The following ADCY4 variants were observed in gnomAD, a reference collection of about 807,000 sequenced individuals.
ADCY4 encodes the protein adenylate cyclase 4.
A neutral mutation model predicts 125.5 loss-of-function variants in ADCY4; 111 were observed. That is an observed-to-expected ratio of 0.88 (90% CI 0.76 to 1.04). The LOEUF is 1.04. Ranked by LOEUF, ADCY4 falls within the 50% of genes least tolerant of loss-of-function variation. ADCY4 has a pLI of 0.00. For synonymous variants in ADCY4, 576 were observed against 586.9 expected, an observed-to-expected ratio of 0.98 and a Z score of 0.27; for missense variants, 1,256 against 1,382.9, an observed-to-expected ratio of 0.91 and a Z score of 1.46.
At chr14:24,318,836 CAAGGAACTGG>C in intron 23 of ADCY4, 58 bp from the exon 24 acceptor site, 3 of 1,608,940 alleles carry the variant, frequency 1.9e-6, no homozygotes, top group Non-Finnish European at 2.5e-6. Flanking sequence ...GAGGAAGCCA[CAAGGAACTGG>C]AAGGAAGGGA....
At chr14:24,325,259 T>C in intron 14 of ADCY4, 118 bp downstream of exon 14, 1 of 749,428 alleles carries the variant, frequency 1.3e-6, no homozygotes, top group Admixed American at 2.3e-5. Flanking sequence ...GTTTCCTCTG[T>C]GGGTAAGTGC....
At position 24,323,061 on chromosome 14, in the gene ADCY4, A is replaced by T; in HGVS notation, c.2185T>A (p.Phe729Ile). ...TGCAGAAAGAGGGAGCAGGAGAGGAAGCCCAGCGTGCAGCAGTGCATGGAG... is the reference window on the plus strand; with the variant it reads ...TGCAGAAAGAGGGAGCAGGAGAGGATGCCCAGCGTGCAGCAGTGCATGGAG... ...PYSMHCCTLGFLSCSLFLHMS... is the reference protein window; with the variant it reads ...PYSMHCCTLGILSCSLFLHMS... Residue 729 changes from phenylalanine to isoleucine, a missense_variant, in exon 18 of 25, where the codon TTC (phenylalanine) becomes ATC (isoleucine). Phe to Ile is a conservative substitution (Grantham distance 21, BLOSUM62 0). Transcript: ENST00000418030. 1.9e-6 allele frequency: 3 copies of T among 1,614,142 alleles called. No individual in the cohort carries two copies. The highest frequency in any genetic ancestry group is 1.7e-6 in the Non-Finnish European group (2 of 1,180,022).
At chr14:24,321,303 C>T (rs1292798598) in intron 20 of ADCY4, among the ~76,000 whole-genome samples, 1 of 151,608 alleles carries the variant, frequency 6.6e-6, no homozygotes, top group East Asian at 1.9e-4. Flanking sequence ...CGCCTGTAAT[C>T]CCAGCTACCT....
In ADCY4 at chr14:24,331,900, A is replaced by G. The variant is rs1460676177; in HGVS notation, c.557T>C (p.Val186Ala). 6.3e-7 allele frequency: 1 copy of G among 1,584,396 alleles called. No individual in the cohort carries two copies. The highest frequency in any genetic ancestry group is 8.6e-7 in the Non-Finnish European group (1 of 1,158,250). The change falls in exon 4 of 25, where the codon GTG becomes GCG. Residue 186 changes from valine (V) to alanine (A), a missense_variant. By Grantham distance (64) the Val-to-Ala change is moderately conservative. Transcript: ENST00000418030. ...ANAVLFLCGNVAGVYHKALME... is the reference protein window; with the variant it reads ...ANAVLFLCGNAAGVYHKALME... ...CAGCGCCTTGTGGTACACTCCTGCC[A>G]CGTTCCCGCACAGGAACAGCACTGC... is the stretch of plus-strand genomic sequence containing the variant.
chr14:24,322,040 T>C (rs1446275801), intron 20 of ADCY4, 26 bp downstream of exon 20: 1 of 1,594,884 alleles, frequency 6.3e-7, no homozygotes, highest in Admixed American at 1.7e-5. Context: ...CATCCGTGGC[T>C]CAGGAGTCAG....
At chr14:24,325,258 G>C in intron 14 of ADCY4, 119 bp downstream of exon 14, 1 of 770,318 alleles carries the variant, frequency 1.3e-6, no homozygotes, top group South Asian at 1.6e-5. Flanking sequence ...TGTTTCCTCT[G>C]TGGGTAAGTG....
Position 24,330,299 on chromosome 14 carries a change from G to T in ADCY4, c.931-4C>A. Reference sequence around the variant, plus strand: ...TGATCCGCATGCATTCATGCTCCTGGGAGTGTGTATGTGGGTGTGCAGAGG... The same window carrying T: ...TGATCCGCATGCATTCATGCTCCTGTGAGTGTGTATGTGGGTGTGCAGAGG... On this transcript the variant is annotated splice_region_variant and splice_polypyrimidine_tract_variant and intron_variant, in intron 6 of 24. Coordinates refer to ENST00000418030, the MANE Select transcript of ADCY4 (RefSeq NM_001198568.2). 1 of 1,614,130 alleles carries T rather than the reference G, an allele frequency of 6.2e-7. No individual in the cohort carries two copies. Among genetic ancestry groups the T allele is most frequent in the Admixed American group, 1.7e-5 (1 of 60,014 alleles).
chr14:24,323,151 G>A, intron 17 of ADCY4, 63 bp from the exon 18 acceptor site: 1 of 1,562,088 alleles, frequency 6.4e-7, no homozygotes, highest in South Asian at 1.2e-5. Flanking sequence ...GACACCTGAG[G>A]GCTCCCTTCC....
chr14:24,326,233 C>A (rs1450843827), intron 11 of ADCY4, 66 bp downstream of exon 11: 3 of 1,613,598 alleles, frequency 1.9e-6, no homozygotes, highest in Non-Finnish European at 2.5e-6. Context: ...CAGGAGCAGA[C>A]CCCCAGGGAG....
At chr14:24,322,318 C>A (rs1470975807) in intron 19 of ADCY4, 94 bp from the exon 20 acceptor site, 85 of 1,399,568 alleles carry the variant, frequency 6.1e-5, no homozygotes, top group Non-Finnish European at 7.9e-5. Flanking sequence ...CCTGAAACCA[C>A]CCCCACCCCA....
rs2139198110 is a variant in ADCY4, at chr14:24,322,708, C to A, written c.2343G>T (p.Arg781Ser). The change falls in exon 19 of 25, where the codon AGG becomes AGT. Residue 781 changes from arginine (R) to serine (S), a missense_variant and splice_region_variant. Physicochemically the swap from Arg to Ser is moderately radical, Grantham distance 110. Transcript: ENST00000418030. Reference sequence around the variant, plus strand: ...GTTTGGGCTCCTTCAGCACTCCGGGCCTGAAGGGGCCATGGATCAGGGTGA... The same window carrying A: ...GTTTGGGCTCCTTCAGCACTCCGGGACTGAAGGGGCCATGGATCAGGGTGA... Reference protein sequence around the residue: ...VRLYLGPLDSRPGVLKEPKLM... With the variant: ...VRLYLGPLDSSPGVLKEPKLM... 6.2e-7 allele frequency: 1 copy of A among 1,613,818 alleles called. No individual in the cohort carries two copies. The highest frequency in any genetic ancestry group is 8.5e-7 in the Non-Finnish European group (1 of 1,179,852).
chr14:24,331,438 C>A, intron 4 of ADCY4, 82 bp from the exon 5 acceptor site: 2 of 1,573,318 alleles, frequency 1.3e-6, no homozygotes, highest in Non-Finnish European at 1.7e-6. Flanking sequence ...CAGGAGCCCA[C>A]ACTGCCCATC....
Position 24,319,267 on chromosome 14 carries a change from C to T in ADCY4, c.2842-55G>A, listed in dbSNP as rs942299483. ...CCAGTGAGGGCACAGGAATAAGTCC[C>T]ACTAATAAGCCCATCAATGAGAGCC... is the stretch of plus-strand genomic sequence containing the variant. On this transcript the variant is annotated intron_variant, in intron 22 of 24. Transcript: ENST00000418030. The surrounding 1 kb of genome is among the most constrained non-coding windows in gnomAD (Gnocchi z 4.5). The T allele has an allele frequency of 1.9e-6, 3 of 1,612,510 alleles. No individual in the cohort carries two copies. Among genetic ancestry groups the T allele is most frequent in the African/African-American group, 1.3e-5 (1 of 74,850 alleles).
At chr14:24,331,666 C>T (rs2042042989) in intron 4 of ADCY4, 122 bp downstream of exon 4, 2 of 1,347,104 alleles carry the variant, frequency 1.5e-6, no homozygotes, top group Non-Finnish European at 2.0e-6. Flanking sequence ...ACATTTTATA[C>T]AAAAGAGGAA....
rs2041869446 is a variant in ADCY4 at position 24,322,585 on chromosome 14, C to T, written c.2427+39G>A. On this transcript the variant is annotated intron_variant, in intron 19 of 24. Coordinates refer to ENST00000418030, the MANE Select transcript of ADCY4 (RefSeq NM_001198568.2). ...TCAAGTCACAGATATGGGGGCCACTCATAGGTGGGCCCTGGTGGGGCTGAG... is the reference window on the plus strand; with the variant it reads ...TCAAGTCACAGATATGGGGGCCACTTATAGGTGGGCCCTGGTGGGGCTGAG... The T allele has an allele frequency of 2.5e-6, 4 of 1,601,964 alleles. No homozygotes were observed. The Admixed American group carries it at 6.7e-5, about 27-fold the overall frequency.
chr14:24,327,283 C>A (rs540635053), intron 10 of ADCY4, among the ~76,000 whole-genome samples: 11 of 152,224 alleles, frequency 7.2e-5, no homozygotes, highest in African/African-American at 2.6e-4. Context: ...AGGAGACACC[C>A]TTGAACAAAG....
At position 24,330,715 on chromosome 14, in the gene ADCY4, C is replaced by T. The variant is rs181697020; in HGVS notation, c.930+303G>A. The T allele has an allele frequency of 1.2e-4, 47 of 382,968 alleles. No homozygotes were observed. In the East Asian group the frequency reaches 1.6e-3, roughly 13 times the overall value. 23.7% of individuals were successfully genotyped at this position (382,968 alleles called of 1,614,324 possible). A position where few individuals can be genotyped will look rare whatever the true frequency, so the allele number is the denominator to read the frequency against. On this transcript the variant is annotated intron_variant, in intron 6 of 24. Transcript: ENST00000418030. ...GCCTCCTAAGGTTAGAATATCAGAACGTCTCTATAGATTTGGTTGTAGTGT... is the reference window on the plus strand; with the variant it reads ...GCCTCCTAAGGTTAGAATATCAGAATGTCTCTATAGATTTGGTTGTAGTGT...
chr14:24,323,694 A>G (rs1485230855), intron 16 of ADCY4: 1 of 1,375,676 alleles, frequency 7.3e-7, no homozygotes, highest in East Asian at 2.8e-5. Flanking sequence ...CTTGCCAGCC[A>G]CTTAGCCTCT....
chr14:24,324,203 T>A lies in ADCY4; in HGVS notation c.1909-4A>T. 1 of 1,614,190 alleles carries A rather than the reference T, an allele frequency of 6.2e-7. No individual in the cohort carries two copies. The highest frequency in any genetic ancestry group is 8.5e-7 in the Non-Finnish European group (1 of 1,180,018). On this transcript the variant is annotated splice_region_variant and splice_polypyrimidine_tract_variant and intron_variant, in intron 15 of 24. Coordinates refer to ENST00000418030, the MANE Select transcript of ADCY4 (RefSeq NM_001198568.2). ...TGGGGCCTTTCAGGACACACCTCTG[T>A]GGAGGGAGCATGGGCATCTTAGCCA...
Sources: gnomAD v4.1 joint callset for allele counts (sites outside exome capture counted in the v4.1 genomes callset) on GRCh38, gnomAD v4.1.1 for gene constraint, Gnocchi (gnomAD v3.1) non-coding constraint, MANE v1.5 for transcripts, NCBI Gene and HGNC (gene_info 2026-07-23, HGNC 2026-07-21) for gene names.